Variants in TMEM263 observed in about 807,000 individuals in gnomAD.
TMEM263 encodes transmembrane protein 263.
TMEM263 carries 5 observed loss-of-function variants against 8.6 expected under a neutral mutation model. That is an observed-to-expected ratio of 0.58 (90% confidence interval 0.31 to 1.23). TMEM263 has a LOEUF of 1.23. TMEM263 is among the 50% of genes most tolerant of loss of function. The probability of loss-of-function intolerance (pLI) is 0.07; values close to 1 mark genes in which losing one functional copy is unlikely to be tolerated. For missense variants in TMEM263, 104 were observed against 138.8 expected (o/e 0.75, Z 1.26); for synonymous variants, 50 against 47.9 (o/e 1.04, Z -0.18).
intron 2 of TMEM263, among the ~76,000 whole-genome samples, chr12:106,958,123 CTATTA>C (rs1212140359): frequency 6.6e-6 from 1 of 152,050 alleles, no homozygotes; most frequent in Admixed American, 6.5e-5. Context: ...TCGTCTTTTT[CTATTA>C]TAGGGAAATT....
intron 1 of TMEM263, 23 bp downstream of exon 1, chr12:106,956,088 G>C: frequency 2.1e-6 from 2 of 971,924 alleles, no homozygotes; most frequent in Non-Finnish European, 2.4e-6. Context: ...GGATGCGAGG[G>C]CAGGGGCGCA....
chr12:106,968,465 C>T (rs1951874720), intron 3 of TMEM263, among the ~76,000 whole-genome samples: 1 of 151,940 alleles, frequency 6.6e-6, no homozygotes, highest in African/African-American at 2.4e-5. Context: ...CTTTTCCATG[C>T]CTTACATTTT....
intron 3 of TMEM263, among the ~76,000 whole-genome samples, chr12:106,969,743 T>C (rs913595004): frequency 2.0e-5 from 3 of 146,994 alleles, no homozygotes; most frequent in African/African-American, 7.5e-5. Flanking sequence ...AAAAAAAAAA[T>C]ATTAGATTAC....
Position 106,971,624 on chromosome 12 carries a change from C to A in TMEM263, c.*233C>A. 2.4e-6 allele frequency: 1 copy of A among 410,708 alleles called. No homozygotes were observed. Among genetic ancestry groups the A allele is most frequent in the South Asian group, 7.5e-5 (1 of 13,256 alleles). The allele number at this position is 410,708 out of a possible 1,614,324, so 25.4% of individuals were successfully genotyped here. A position where few individuals can be genotyped will look rare whatever the true frequency, so the allele number is the denominator to read the frequency against. Reference sequence around the variant, plus strand: ...TATCTGGTAAAATGTTACACTTACTCGGTTGTAACTGAAGATATGGTATGT... The same window carrying A: ...TATCTGGTAAAATGTTACACTTACTAGGTTGTAACTGAAGATATGGTATGT... On this transcript the variant is annotated 3_prime_UTR_variant, in exon 4 of 4. Transcript: ENST00000280756.
At chr12:106,958,449 T>A (rs1173205364) in intron 2 of TMEM263, among the ~76,000 whole-genome samples, 1 of 152,244 alleles carries the variant, frequency 6.6e-6, no homozygotes, top group Non-Finnish European at 1.5e-5. Context: ...AATTGTGTTG[T>A]TAATCCTTGC....
At position 106,971,674 on chromosome 12, in the gene TMEM263, A is replaced by G. The variant is rs1951923696; in HGVS notation, c.*283A>G. On this transcript the variant is annotated 3_prime_UTR_variant, in exon 4 of 4. Transcript: ENST00000280756. ...TTTGAATATTTACTATAAGTCTTTC[A>G]GTTTGACTAAAAATGTGAAAGTTGA... 2 of 276,958 alleles carry G rather than the reference A, an allele frequency of 7.2e-6. No individual in the cohort carries two copies. Among genetic ancestry groups the G allele is most frequent in the Admixed American group, 5.0e-5 (1 of 20,016 alleles). 17.2% of individuals were successfully genotyped at this position (276,958 alleles called of 1,614,324 possible).
At chr12:106,970,600 GA>G (rs933349139) in intron 3 of TMEM263, among the ~76,000 whole-genome samples, 19 of 152,152 alleles carry the variant, frequency 1.2e-4, no homozygotes, top group Non-Finnish European at 2.6e-4. Context: ...ATAATATTAT[GA>G]AAATAGTTTT....
Position 106,956,084 on chromosome 12 carries a change from G to T in TMEM263, c.-75+19G>T. 1.0e-6 allele frequency: 1 copy of T among 976,010 alleles called. No homozygotes were observed. The highest frequency in any genetic ancestry group is 1.2e-6 in the Non-Finnish European group (1 of 821,398). The allele number at this position is 976,010 out of a possible 1,614,324, so 60.5% of individuals were successfully genotyped here. On this transcript the variant is annotated intron_variant, in intron 1 of 3. Coordinates refer to ENST00000280756, the MANE Select transcript of TMEM263 (RefSeq NM_152261.4). Reference sequence around the variant, plus strand: ...CCCGGCGGTGAGTGAGTCGGGATGCGAGGGCAGGGGCGCAGTCCCGGCTTC... The same window carrying T: ...CCCGGCGGTGAGTGAGTCGGGATGCTAGGGCAGGGGCGCAGTCCCGGCTTC...
chr12:106,962,336 T>C (rs1216787062), intron 2 of TMEM263, among the ~76,000 whole-genome samples: 1 of 152,202 alleles, frequency 6.6e-6, no homozygotes, highest in African/African-American at 2.4e-5. Flanking sequence ...TCTCTAAATA[T>C]AGCATTAGCA....
chr12:106,957,880 A>G (rs1440959306), intron 2 of TMEM263, among the ~76,000 whole-genome samples: 1 of 152,212 alleles, frequency 6.6e-6, no homozygotes, highest in Non-Finnish European at 1.5e-5. Flanking sequence ...GGCAGGGGCC[A>G]TCTTTAAAAG....
chr12:106,963,696 A>C (rs981732053), intron 2 of TMEM263, among the ~76,000 whole-genome samples: 5 of 152,216 alleles, frequency 3.3e-5, no homozygotes, highest in Admixed American at 6.5e-5. Context: ...AGAAGGATGA[A>C]GTCAATTCAT....
intron 2 of TMEM263, chr12:106,959,270 T>G (rs571457324): frequency 5.3e-5 from 8 of 152,172 alleles, no homozygotes; most frequent in Non-Finnish European, 1.0e-4. Flanking sequence ...TGATATGGAG[T>G]CTTGCTCTGT....
Position 106,971,535 on chromosome 12 carries a change from TA to T in TMEM263, c.*149del, listed in dbSNP as rs1371937235. ...AAAGTATTGATGACTGGCTTTCATC[TA>T]AAAAGAAGAGACCAATACGAGCACA... On this transcript the variant is annotated 3_prime_UTR_variant, in exon 4 of 4. Coordinates refer to ENST00000280756, the MANE Select transcript of TMEM263 (RefSeq NM_152261.4). The T allele has an allele frequency of 2.4e-5, 20 of 849,560 alleles. No homozygotes were observed. Among genetic ancestry groups the T allele is most frequent in the Non-Finnish European group, 3.3e-5 (19 of 568,584 alleles). 52.6% of individuals were successfully genotyped at this position (849,560 alleles called of 1,614,324 possible). A position where few individuals can be genotyped will look rare whatever the true frequency, so the allele number is the denominator to read the frequency against.
Position 106,956,058 on chromosome 12 carries a change from C to G in TMEM263, c.-82C>G, listed in dbSNP as rs1951683924. On this transcript the variant is annotated 5_prime_UTR_variant, in exon 1 of 4. Transcript: ENST00000280756. ...GCCCCAGCCCTAGCGCTGGCCGCGA[C>G]CCCGGCGGTGAGTGAGTCGGGATGC... The G allele has an allele frequency of 1.0e-6, 1 of 985,074 alleles. No homozygotes were observed. Among genetic ancestry groups the G allele is most frequent in the South Asian group, 4.7e-5 (1 of 21,292 alleles). 61.0% of individuals were successfully genotyped at this position (985,074 alleles called of 1,614,324 possible). A position where few individuals can be genotyped will look rare whatever the true frequency, so the allele number is the denominator to read the frequency against.
intron 2 of TMEM263, among the ~76,000 whole-genome samples, chr12:106,965,142 G>A (rs1016117077): frequency 2.6e-5 from 4 of 152,144 alleles, no homozygotes; most frequent in Admixed American, 6.5e-5. Context: ...ACACTTTACT[G>A]GCTGTTCCTT....
At chr12:106,963,816 TA>T (rs1951810094) in intron 2 of TMEM263, among the ~76,000 whole-genome samples, 2 of 152,232 alleles carry the variant, frequency 1.3e-5, no homozygotes, top group Admixed American at 1.3e-4. Flanking sequence ...TAATTGTTTT[TA>T]AGGGATACTG....
rs911816109 is a variant in TMEM263, at chr12:106,971,650, T to G, written c.*259T>G. ...GGTTGTAACTGAAGATATGGTATGTTTGAATATTTACTATAAGTCTTTCAG... is the reference window on the plus strand; with the variant it reads ...GGTTGTAACTGAAGATATGGTATGTGTGAATATTTACTATAAGTCTTTCAG... On this transcript the variant is annotated 3_prime_UTR_variant, in exon 4 of 4. Coordinates refer to ENST00000280756, the MANE Select transcript of TMEM263 (RefSeq NM_152261.4). 4 of 349,834 alleles carry G rather than the reference T, an allele frequency of 1.1e-5. No individual in the cohort carries two copies. The highest frequency in any genetic ancestry group is 5.1e-6 in the Non-Finnish European group (1 of 194,778). 21.7% of individuals were successfully genotyped at this position (349,834 alleles called of 1,614,324 possible). A position where few individuals can be genotyped will look rare whatever the true frequency, so the allele number is the denominator to read the frequency against.
At chr12:106,968,147 A>T (rs918318080) in intron 3 of TMEM263, among the ~76,000 whole-genome samples, 2 of 152,086 alleles carry the variant, frequency 1.3e-5, no homozygotes, top group African/African-American at 4.8e-5. Flanking sequence ...CTAGGGCTGG[A>T]GGTTGTGACT....
rs370128656 is a variant in TMEM263 at position 106,961,985 on chromosome 12, A to G, written c.-7+4836A>G. On this transcript the variant is annotated intron_variant, in intron 2 of 3. Coordinates refer to ENST00000280756, the MANE Select transcript of TMEM263 (RefSeq NM_152261.4). Reference sequence around the variant, plus strand: ...TAGATGAACTACATAATCTTTAAAAATATTTATGAATATTACTGATTTCCA... The same window carrying G: ...TAGATGAACTACATAATCTTTAAAAGTATTTATGAATATTACTGATTTCCA... Among the ~76,000 whole-genome samples the G allele has an allele frequency of 1.9e-4, 29 of 152,352 alleles. No individual in the cohort carries two copies. In the East Asian group the frequency reaches 4.2e-3, roughly 22 times the overall value.
Sources: allele counts gnomAD v4.1 joint callset (sites outside exome capture counted in the v4.1 genomes callset), GRCh38; gene constraint gnomAD v4.1.1; transcripts MANE v1.5; gene names NCBI Gene and HGNC (gene_info 2026-07-23, HGNC 2026-07-21).